Variants in RORA observed in about 807,000 individuals in gnomAD.
RORA encodes the protein RAR related orphan receptor A.
RORA carries 7 observed loss-of-function variants against 69.5 expected under a neutral mutation model. The observed-to-expected ratio is 0.10, with a 90% CI of 0.06 to 0.19. RORA has a LOEUF of 0.19. Ranked by LOEUF, RORA falls within the 10% of genes least tolerant of loss-of-function variation. RORA has a pLI of 1.00. For missense variants in RORA, 457 were observed against 663.0 expected, an observed-to-expected ratio of 0.69 and a Z score of 3.41; for synonymous variants, 261 against 240.8, an observed-to-expected ratio of 1.08 and a Z score of -0.78.
intron 1 of RORA, among the ~76,000 whole-genome samples, chr15:61,143,362 T>C (rs928905072): frequency 1.2e-4 from 18 of 152,132 alleles, no homozygotes; most frequent in African/African-American, 3.6e-4. Flanking sequence ...GAAAGACTCA[T>C]TGTAAAGATG....
intron 2 of RORA, among the ~76,000 whole-genome samples, chr15:60,627,813 G>C (rs2069632567): frequency 2.0e-5 from 3 of 152,096 alleles, no homozygotes; most frequent in Admixed American, 2.0e-4. Context: ...CTAAATTTGA[G>C]ATAATCATGC....
chr15:60,915,324 C>G (rs1891838644), intron 1 of RORA, among the ~76,000 whole-genome samples: 1 of 152,232 alleles, frequency 6.6e-6, no homozygotes, highest in Admixed American at 6.5e-5. Flanking sequence ...TGGCCACTGC[C>G]TCCACAGGCA....
At chr15:61,122,890 C>T (rs2079115663) in intron 1 of RORA, among the ~76,000 whole-genome samples, 1 of 152,154 alleles carries the variant, frequency 6.6e-6, no homozygotes. Flanking sequence ...TATATTCGGG[C>T]AGCTTCAGGC....
At chr15:60,848,502 G>A (rs1319353701) in intron 1 of RORA, 1 of 152,290 alleles carries the variant, frequency 6.6e-6, no homozygotes, top group African/African-American at 2.4e-5. Flanking sequence ...CCCAAGATAC[G>A]ATTCTTCCCT....
At chr15:61,179,580 A>C (rs1014013373) in intron 1 of RORA, among the ~76,000 whole-genome samples, 2 of 152,220 alleles carry the variant, frequency 1.3e-5, no homozygotes, top group Non-Finnish European at 2.9e-5. Flanking sequence ...ATAAACAAAA[A>C]GCTCTTTAAG....
At chr15:61,059,964 GGAA>G (rs2078153034) in intron 1 of RORA, among the ~76,000 whole-genome samples, 1 of 92,338 alleles carries the variant, frequency 1.1e-5, no homozygotes, top group Non-Finnish European at 2.4e-5. Flanking sequence ...AAGAAGAAGA[GGAA>G]GAGGAAGAGG....
Position 60,596,718 on chromosome 15 carries a change from C to G in RORA, c.197-64867G>C, listed in dbSNP as rs901862613. On this transcript the variant is annotated intron_variant, in intron 2 of 10. Coordinates refer to ENST00000335670, the MANE Select transcript of RORA (RefSeq NM_134261.3). ...TGCTGTTTATGAGTATAAAGGGGGA[C>G]GGGACAAGTGGATTAATGTGGTTTA... 2.0e-5 allele frequency among the ~76,000 whole-genome samples: 3 copies of G among 152,044 alleles called. No individual in the cohort carries two copies. In the South Asian group the frequency reaches 6.2e-4, roughly 32 times the overall value.
At chr15:60,718,221 T>G (rs2071245622) in intron 1 of RORA, among the ~76,000 whole-genome samples, 1 of 152,182 alleles carries the variant, frequency 6.6e-6, no homozygotes, top group Non-Finnish European at 1.5e-5. Flanking sequence ...TGGGCAGAGT[T>G]TTTATTCTTC....
At position 60,777,222 on chromosome 15, in the gene RORA, A is replaced by C. The variant is rs11071558; in HGVS notation, c.167-98536T>G. ...AGTCTTCTCTAACAAAGTATATTCC[A>C]ATTAGTTAAGTGAAAAGCTGAATAC... is the stretch of plus-strand genomic sequence containing the variant. On this transcript the variant is annotated intron_variant, in intron 1 of 10. Transcript: ENST00000335670. Among the ~76,000 whole-genome samples, 981 of 152,198 alleles carry C rather than the reference A, an allele frequency of 6.4e-3. 12 individuals are homozygous for C. Among genetic ancestry groups the C allele is most frequent in the African/African-American group, 0.02 (832 of 41,504 alleles).
At chr15:60,841,320 G>C (rs750012908) in intron 1 of RORA, among the ~76,000 whole-genome samples, 5 of 152,206 alleles carry the variant, frequency 3.3e-5, no homozygotes, top group Admixed American at 6.5e-5. Flanking sequence ...TGCTACCAAA[G>C]AGAAAGAGAG....
intron 1 of RORA, among the ~76,000 whole-genome samples, chr15:60,819,420 C>T (rs2072858850): frequency 6.6e-6 from 1 of 152,170 alleles, no homozygotes; most frequent in Non-Finnish European, 1.5e-5. Context: ...TACATCTCTC[C>T]TGAAAATACT....
intron 2 of RORA, among the ~76,000 whole-genome samples, chr15:60,619,508 T>C (rs142417485): frequency 1.3e-5 from 2 of 152,352 alleles, no homozygotes; most frequent in Non-Finnish European, 1.5e-5. Flanking sequence ...TAAAATCTTT[T>C]AAAATTTTAT....
chr15:60,882,241 G>C (rs1363872191), intron 1 of RORA, among the ~76,000 whole-genome samples: 2 of 152,102 alleles, frequency 1.3e-5, no homozygotes, highest in Non-Finnish European at 2.9e-5. Context: ...TTCTCGATTA[G>C]GGGCAATTTT....
At chr15:61,182,484 A>G (rs2079696276) in intron 1 of RORA, among the ~76,000 whole-genome samples, 1 of 152,220 alleles carries the variant, frequency 6.6e-6, no homozygotes, top group African/African-American at 2.4e-5. Flanking sequence ...GGGAACATCC[A>G]TGGTGTGTGA....
intron 2 of RORA, among the ~76,000 whole-genome samples, chr15:60,645,699 C>T (rs1254048022): frequency 6.6e-6 from 1 of 151,992 alleles, no homozygotes; most frequent in Non-Finnish European, 1.5e-5. Flanking sequence ...AATTTCCTTA[C>T]AGATCAATTA....
chr15:60,978,417 C>A (rs1026294229), intron 1 of RORA, among the ~76,000 whole-genome samples: 4 of 152,098 alleles, frequency 2.6e-5, no homozygotes, highest in African/African-American at 9.7e-5. Flanking sequence ...ATTTTGGATA[C>A]TAATCTCTTA....
intron 1 of RORA, among the ~76,000 whole-genome samples, chr15:61,054,543 T>G (rs1266127600): frequency 6.6e-6 from 1 of 152,180 alleles, no homozygotes. Flanking sequence ...ACAAGAAACA[T>G]CAGGCCTTTT....
At chr15:60,753,639 G>A (rs1374820208) in intron 1 of RORA, among the ~76,000 whole-genome samples, 1 of 152,180 alleles carries the variant, frequency 6.6e-6, no homozygotes, top group African/African-American at 2.4e-5. Flanking sequence ...ATCACACTAG[G>A]AAGCAATGAG....
intron 1 of RORA, among the ~76,000 whole-genome samples, chr15:61,179,585 T>C (rs2079663119): frequency 6.6e-6 from 1 of 152,254 alleles, no homozygotes; most frequent in East Asian, 1.9e-4. Flanking sequence ...CAAAAAGCTC[T>C]TTAAGATCCT....
Sources: allele counts gnomAD v4.1 joint callset (sites outside exome capture counted in the v4.1 genomes callset), GRCh38; gene constraint gnomAD v4.1.1; transcripts MANE v1.5; gene names NCBI Gene and HGNC (gene_info 2026-07-23, HGNC 2026-07-21).